BRINP1: variants seen among roughly 807,000 people sequenced by gnomAD.
The protein encoded by BRINP1 is BMP/retinoic acid inducible neural specific 1.
A neutral mutation model predicts 72.9 loss-of-function variants in BRINP1; 17 were observed. That is an observed-to-expected ratio of 0.23 (90% CI 0.16 to 0.35). The LOEUF (loss-of-function observed/expected upper bound fraction) is 0.35. Among genes scored for constraint, BRINP1 ranks in the 10% least tolerant of loss-of-function variants. The probability of loss-of-function intolerance (pLI) is 1.00; values close to 1 mark genes in which losing one functional copy is unlikely to be tolerated. For missense variants in BRINP1, 850 were observed against 1,001.6 expected (o/e 0.85, Z 2.04); for synonymous variants, 418 against 378.5 (o/e 1.10, Z -1.21).
intron 1 of BRINP1, among the ~76,000 whole-genome samples, chr9:119,363,895 A>G (rs969889060): frequency 9.9e-5 from 15 of 152,180 alleles, no homozygotes; most frequent in Admixed American, 9.8e-4. Context: ...AGCACAAAAA[A>G]CATGTCCATC....
intron 1 of BRINP1, among the ~76,000 whole-genome samples, chr9:119,330,127 C>T (rs1831284636): frequency 6.6e-6 from 1 of 152,114 alleles, no homozygotes; most frequent in East Asian, 1.9e-4. Flanking sequence ...TTTTTTTAAC[C>T]TTTTCCACAT....
chr9:119,277,818 A>G (rs1379935319), intron 2 of BRINP1, among the ~76,000 whole-genome samples: 1 of 152,216 alleles, frequency 6.6e-6, no homozygotes, highest in Admixed American at 6.5e-5. Context: ...ATCTATGAAG[A>G]AGGAATTGAG....
intron 5 of BRINP1, among the ~76,000 whole-genome samples, chr9:119,235,548 T>G (rs1000596301): frequency 2.0e-4 from 30 of 152,156 alleles, no homozygotes; most frequent in African/African-American, 6.3e-4. Context: ...CCATTAAAAT[T>G]TATTATGCCT....
intron 1 of BRINP1, among the ~76,000 whole-genome samples, chr9:119,318,937 G>A (rs1831156832): frequency 6.6e-6 from 1 of 151,248 alleles, no homozygotes; most frequent in South Asian, 2.1e-4. Flanking sequence ...AAATTTGGAA[G>A]ATTTAACTCG....
In BRINP1 at chr9:119,214,260, C is replaced by T. The variant is rs1323941579; in HGVS notation, c.686-105G>A. 4.8e-6 allele frequency: 4 copies of T among 824,950 alleles called. No individual in the cohort carries two copies. The African/African-American group carries it at 5.1e-5, about 11-fold the overall frequency. 51.1% of individuals were successfully genotyped at this position (824,950 alleles called of 1,614,324 possible). On this transcript the variant is annotated intron_variant, in intron 5 of 7. Transcript: ENST00000265922. ...AGGAATCTGAAGCTGCTACATTTCT[C>T]CCTGTGTATTGGAACCAATATATTT... is the stretch of plus-strand genomic sequence containing the variant.
intron 5 of BRINP1, among the ~76,000 whole-genome samples, chr9:119,231,277 C>G (rs561812983): frequency 6.6e-6 from 1 of 152,168 alleles, no homozygotes; most frequent in East Asian, 1.9e-4. Flanking sequence ...TCTCCTTTCC[C>G]TCTCTGCCAA....
intron 7 of BRINP1, among the ~76,000 whole-genome samples, chr9:119,199,210 T>C (rs1829778134): frequency 6.6e-6 from 1 of 151,934 alleles, no homozygotes; most frequent in African/African-American, 2.4e-5. Flanking sequence ...TTGAGTTCAA[T>C]AAAATATAAG....
chr9:119,246,965 A>T (rs1278612467), intron 3 of BRINP1, among the ~76,000 whole-genome samples: 2 of 152,204 alleles, frequency 1.3e-5, no homozygotes, highest in Non-Finnish European at 2.9e-5. Context: ...TAAAAATAGG[A>T]GAGGAACAAG....
chr9:119,261,498 T>C (rs1477629275), intron 2 of BRINP1, among the ~76,000 whole-genome samples: 1 of 152,214 alleles, frequency 6.6e-6, no homozygotes, highest in Non-Finnish European at 1.5e-5. Context: ...TCCTGTTTTA[T>C]CCCAGAGCTA....
At chr9:119,208,310 G>A (rs753883651) in intron 7 of BRINP1, among the ~76,000 whole-genome samples, 17 of 152,170 alleles carry the variant, frequency 1.1e-4, no homozygotes, top group Admixed American at 6.5e-4. Flanking sequence ...CATAAATAAG[G>A]TGGCGAATGA....
chr9:119,232,259 T>C (rs919120036), intron 5 of BRINP1, among the ~76,000 whole-genome samples: 4 of 152,182 alleles, frequency 2.6e-5, no homozygotes, highest in African/African-American at 9.6e-5. Flanking sequence ...ACCACCTTCA[T>C]TGCAACTGTC....
At chr9:119,183,351 T>C (rs1011590517) in intron 7 of BRINP1, among the ~76,000 whole-genome samples, 10 of 151,932 alleles carry the variant, frequency 6.6e-5, no homozygotes, top group Non-Finnish European at 1.5e-4. Context: ...TGGAGGAATA[T>C]CTCCATTTAG....
At position 119,342,421 on chromosome 9, in the gene BRINP1, A is replaced by G. The variant is rs183873041; in HGVS notation, c.-51+26635T>C. Among the ~76,000 whole-genome samples, 196 of 152,348 alleles carry G rather than the reference A, an allele frequency of 1.3e-3. 1 individual carries two copies. Among genetic ancestry groups the G allele is most frequent in the African/African-American group, 4.6e-3 (191 of 41,596 alleles). The stretch of plus-strand genomic sequence containing the variant: ...ATCCAATTCCTTTGTTTCACAGACA[A>G]AGAAACAGAGACACAAAGAAGGGAA... On this transcript the variant is annotated intron_variant, in intron 1 of 7. Coordinates refer to ENST00000265922, the MANE Select transcript of BRINP1 (RefSeq NM_014618.3).
intron 1 of BRINP1, among the ~76,000 whole-genome samples, chr9:119,336,570 G>A (rs1165061189): frequency 6.6e-6 from 1 of 152,158 alleles, no homozygotes; most frequent in South Asian, 2.1e-4. Context: ...GAGAGAGAGT[G>A]TGTGCTGGGG....
In BRINP1 at chr9:119,367,707, C is replaced by T. The variant is rs75390436; in HGVS notation, c.-51+1349G>A. The stretch of plus-strand genomic sequence containing the variant: ...CAGTATTTTGGAGCCAAGTGAGAGA[C>T]GCGAGGTGCAAACCGACAGCAGTTT... On this transcript the variant is annotated intron_variant, in intron 1 of 7. Coordinates refer to ENST00000265922, the MANE Select transcript of BRINP1 (RefSeq NM_014618.3). Among the ~76,000 whole-genome samples the T allele has an allele frequency of 1.6e-3, 244 of 152,328 alleles. 5 individuals are homozygous for T. Among genetic ancestry groups the T allele is most frequent in the African/African-American group, 5.7e-3 (237 of 41,582 alleles).
intron 2 of BRINP1, among the ~76,000 whole-genome samples, chr9:119,262,846 T>C (rs2118937493): frequency 6.6e-6 from 1 of 152,262 alleles, no homozygotes; most frequent in Non-Finnish European, 1.5e-5. Context: ...ATGCTTTTAC[T>C]TAGACTTGAA....
chr9:119,208,627 G>A (rs1425591635), intron 7 of BRINP1, 92 bp downstream of exon 7: 4 of 1,316,362 alleles, frequency 3.0e-6, no homozygotes, highest in Non-Finnish European at 4.3e-6. Flanking sequence ...CCCCACAAAT[G>A]CACCATCTGC....
At chr9:119,346,324 C>G (rs1165226043) in intron 1 of BRINP1, among the ~76,000 whole-genome samples, 1 of 152,158 alleles carries the variant, frequency 6.6e-6, no homozygotes, top group African/African-American at 2.4e-5. Flanking sequence ...TCAACATCAG[C>G]CTTTTTGACC....
At chr9:119,208,062 T>C (rs1829877257) in intron 7 of BRINP1, among the ~76,000 whole-genome samples, 1 of 152,134 alleles carries the variant, frequency 6.6e-6, no homozygotes, top group Admixed American at 6.5e-5. Flanking sequence ...TAAACCCTAA[T>C]TCTATGGAGG....
Sources: gnomAD v4.1 joint callset for allele counts (sites outside exome capture counted in the v4.1 genomes callset) on GRCh38, gnomAD v4.1.1 for gene constraint, MANE v1.5 for transcripts, NCBI Gene and HGNC (gene_info 2026-07-23, HGNC 2026-07-21) for gene names.